ATP9A: variants seen among roughly 807,000 people sequenced by gnomAD.
ATP9A encodes the protein probable phospholipid-transporting ATPase IIA.
In ATP9A, 52 loss-of-function variants were observed where a neutral mutation model predicts 144.1. The observed-to-expected ratio is 0.36, with a 90% CI of 0.29 to 0.45. The LOEUF (loss-of-function observed/expected upper bound fraction) is 0.45, where lower values mean the gene tolerates loss of function less well. Ranked by LOEUF, ATP9A falls within the 20% of genes least tolerant of loss-of-function variation. The probability of loss-of-function intolerance (pLI) is 1.00; values close to 1 mark genes in which losing one functional copy is unlikely to be tolerated. For missense variants in ATP9A, 947 were observed against 1,392.7 expected (o/e 0.68, Z 5.09); for synonymous variants, 582 against 557.4 (o/e 1.04, Z -0.62).
chr20:51,768,230 C>G (rs995840233), intron 1 of ATP9A, 72 bp downstream of exon 1: 1 of 1,054,758 alleles, frequency 9.5e-7, no homozygotes, highest in African/African-American at 1.7e-5. Flanking sequence ...CTGTCAGGCC[C>G]GGCCAGGCTG....
chr20:51,603,629 C>G (rs1357028263), intron 27 of ATP9A, among the ~76,000 whole-genome samples: 1 of 152,082 alleles, frequency 6.6e-6, no homozygotes. Context: ...TGAAACCAGG[C>G]TTGTCCATCT....
chr20:51,638,049 G>A (rs1829994374), intron 15 of ATP9A, among the ~76,000 whole-genome samples: 4 of 118,498 alleles, frequency 3.4e-5, no homozygotes, highest in Admixed American at 2.9e-4. Flanking sequence ...TCCTTTCCAT[G>A]GCTAAGTAGC....
chr20:51,604,603 G>A (rs77493657), intron 27 of ATP9A, among the ~76,000 whole-genome samples: 5 of 152,230 alleles, frequency 3.3e-5, no homozygotes, highest in African/African-American at 9.6e-5. Context: ...CTGCAATCAC[G>A]CCCTCTGTCC....
intron 7 of ATP9A, among the ~76,000 whole-genome samples, chr20:51,693,059 C>T (rs895250605): frequency 6.6e-6 from 1 of 152,174 alleles, no homozygotes; most frequent in African/African-American, 2.4e-5. Flanking sequence ...GCATGCCACT[C>T]ACCAGGCACT....
chr20:51,693,942 G>A (rs1346814673), intron 7 of ATP9A, 66 bp downstream of exon 7: 2 of 1,137,766 alleles, frequency 1.8e-6, no homozygotes, highest in Admixed American at 2.5e-5. Flanking sequence ...GGCCCCCCAG[G>A]TATGAGTTTG....
chr20:51,637,547 G>C (rs150786624), intron 15 of ATP9A, among the ~76,000 whole-genome samples: 1 of 152,092 alleles, frequency 6.6e-6, no homozygotes, highest in Non-Finnish European at 1.5e-5. Context: ...ACGAGATGCT[G>C]TAAGAGGTGG....
chr20:51,656,018 G>T (rs987926275), intron 14 of ATP9A, among the ~76,000 whole-genome samples: 6 of 152,114 alleles, frequency 3.9e-5, no homozygotes, highest in African/African-American at 1.2e-4. Flanking sequence ...AGTAAAACAG[G>T]CCAATCACAA....
intron 14 of ATP9A, among the ~76,000 whole-genome samples, chr20:51,644,430 AT>A (rs770845700): frequency 2.2e-3 from 311 of 142,310 alleles, no homozygotes; most frequent in Middle Eastern, 3.6e-3. Flanking sequence ...CACCCGGCTA[AT>A]TTTTTTTTTT....
chr20:51,617,502 TC>T lies in ATP9A; in HGVS notation c.2402del (p.Gly801GlufsTer46). 2 of 1,611,224 alleles carry T rather than the reference TC, an allele frequency of 1.2e-6. No individual in the cohort carries two copies. Among genetic ancestry groups the T allele is most frequent in the South Asian group, 2.2e-5 (2 of 90,190 alleles). ...SMIQESDCGV[G>X]VEGKEGKQAS... ...GAAACACTCTCACCTTTCCTTCCAC[TC>T]CCACGCCGCAGTCAGATTCCTGAAT... is the stretch of plus-strand genomic sequence containing the variant. On this transcript the variant is annotated frameshift_variant, in exon 22 of 28. Transcript: ENST00000338821. LOFTEE classifies it high-confidence loss of function.
chr20:51,715,077 T>C (rs905261797), intron 3 of ATP9A, among the ~76,000 whole-genome samples: 8 of 152,200 alleles, frequency 5.3e-5, no homozygotes, highest in African/African-American at 1.9e-4. Flanking sequence ...AGTTATTTTT[T>C]AAATACAGTC....
intron 9 of ATP9A, among the ~76,000 whole-genome samples, chr20:51,681,713 C>T (rs898512283): frequency 3.3e-5 from 5 of 152,058 alleles, no homozygotes; most frequent in Non-Finnish European, 5.9e-5. Flanking sequence ...TGAGCCACCG[C>T]GCCCAGCCTC....
At chr20:51,610,582 A>G (rs1364310953) in intron 23 of ATP9A, among the ~76,000 whole-genome samples, 1 of 152,156 alleles carries the variant, frequency 6.6e-6, no homozygotes, top group Non-Finnish European at 1.5e-5. Context: ...ATCAAGCCCT[A>G]CTATCACCCA....
intron 15 of ATP9A, among the ~76,000 whole-genome samples, chr20:51,630,261 G>A (rs918799016): frequency 2.6e-5 from 4 of 152,182 alleles, no homozygotes; most frequent in African/African-American, 7.2e-5. Context: ...CCAATGATTC[G>A]CGTCACTGGG....
intron 15 of ATP9A, among the ~76,000 whole-genome samples, chr20:51,634,026 A>G (rs1169100904): frequency 6.6e-6 from 1 of 152,160 alleles, no homozygotes; most frequent in Non-Finnish European, 1.5e-5. Flanking sequence ...GAAGGGGGGC[A>G]TGCCAGGTTA....
chr20:51,743,492 C>T (rs980388499), intron 1 of ATP9A, among the ~76,000 whole-genome samples: 2 of 145,650 alleles, frequency 1.4e-5, no homozygotes, highest in Admixed American at 7.1e-5. Context: ...CTCTGCCTCC[C>T]GGATTCAAGC....
intron 13 of ATP9A, among the ~76,000 whole-genome samples, chr20:51,665,978 A>G (rs1222592474): frequency 1.3e-5 from 2 of 152,146 alleles, no homozygotes; most frequent in African/African-American, 2.4e-5. Flanking sequence ...CTACATTTCA[A>G]CACTGGGAAA....
At chr20:51,669,144 G>A (rs2077445685) in intron 13 of ATP9A, among the ~76,000 whole-genome samples, 1 of 152,158 alleles carries the variant, frequency 6.6e-6, no homozygotes, top group South Asian at 2.1e-4. Context: ...CAAGGGGTGT[G>A]TTTGTCTTAC....
At chr20:51,720,145 C>T (rs538758792) in intron 3 of ATP9A, among the ~76,000 whole-genome samples, 1 of 152,264 alleles carries the variant, frequency 6.6e-6, no homozygotes, top group South Asian at 2.1e-4. Context: ...GAAAGTATTG[C>T]AAAACTGGAT....
intron 1 of ATP9A, among the ~76,000 whole-genome samples, chr20:51,741,223 C>A (rs896802384): frequency 1.3e-5 from 2 of 152,136 alleles, no homozygotes; most frequent in Non-Finnish European, 2.9e-5. Flanking sequence ...TTTCAAGACA[C>A]CTCCTTCCAC....
Sources: gnomAD v4.1 joint callset for allele counts (sites outside exome capture counted in the v4.1 genomes callset) on GRCh38, gnomAD v4.1.1 for gene constraint, MANE v1.5 for transcripts, NCBI Gene and HGNC (gene_info 2026-07-23, HGNC 2026-07-21) for gene names.